Variants in PRKD1 observed in about 807,000 individuals in gnomAD.
The protein encoded by PRKD1 is serine/threonine-protein kinase D1.
PRKD1 carries 63 observed loss-of-function variants against 95.9 expected under a neutral mutation model. The observed-to-expected ratio is 0.66, with a 90% CI of 0.54 to 0.81. PRKD1 has a LOEUF of 0.81. Among genes scored for constraint, PRKD1 ranks in the 30% least tolerant of loss-of-function variants. The pLI is 0.00. For missense variants in PRKD1, 1,048 were observed against 1,165.3 expected (o/e 0.90, Z 1.47); for synonymous variants, 425 against 423.1 (o/e 1.00, Z -0.05).
chr14:29,910,172 G>T (rs1033604349), intron 1 of PRKD1, among the ~76,000 whole-genome samples: 1 of 152,144 alleles, frequency 6.6e-6, no homozygotes, highest in Non-Finnish European at 1.5e-5. Context: ...GCGAAGGTCT[G>T]CAACTTCACT....
intron 1 of PRKD1, among the ~76,000 whole-genome samples, chr14:29,905,100 G>A (rs45506204): frequency 0.016 from 2,410 of 152,266 alleles, 60 homozygotes; most frequent in African/African-American, 0.051. Context: ...TTGGGCAAAC[G>A]GTTGCATGCT....
intron 1 of PRKD1, among the ~76,000 whole-genome samples, chr14:29,813,221 T>A (rs2139248691): frequency 6.6e-6 from 1 of 152,332 alleles, no homozygotes; most frequent in South Asian, 2.1e-4. Flanking sequence ...CAAAAGCATA[T>A]CTTTATTTAT....
intron 1 of PRKD1, among the ~76,000 whole-genome samples, chr14:29,807,281 T>C (rs1204107235): frequency 6.6e-6 from 1 of 152,140 alleles, no homozygotes; most frequent in African/African-American, 2.4e-5. Flanking sequence ...GATGTAAGCC[T>C]TCAGGGAGTC....
In PRKD1 at chr14:29,927,318, C is replaced by A. The variant is rs1895340534; in HGVS notation, c.195G>T (p.Leu65=). ...GGCTGTAGTCCCCGGACGAGTCCTG[C>A]AGCAGCAGCACCGGCTCACGGCTCA... ...IGLSREPVLL[L]QDSSGDYSLA... is the part of the protein sequence containing the mutation. The change falls in exon 1 of 18, where the codon CTG becomes CTT. Residue 65 remains leucine, a synonymous_variant. Coordinates refer to ENST00000331968, the MANE Select transcript of PRKD1 (RefSeq NM_002742.3). 1.9e-6 allele frequency: 3 copies of A among 1,559,648 alleles called. No homozygotes were observed. Among genetic ancestry groups the A allele is most frequent in the Non-Finnish European group, 1.7e-6 (2 of 1,154,800 alleles).
At chr14:29,717,102 C>A (rs1172804036) in intron 2 of PRKD1, among the ~76,000 whole-genome samples, 2 of 152,068 alleles carry the variant, frequency 1.3e-5, no homozygotes, top group Non-Finnish European at 2.9e-5. Context: ...TTTTGGATAT[C>A]ATACATAGGA....
intron 1 of PRKD1, among the ~76,000 whole-genome samples, chr14:29,872,167 T>C (rs1893130754): frequency 2.0e-5 from 3 of 152,212 alleles, no homozygotes; most frequent in Admixed American, 2.0e-4. Context: ...AGTTTATGTG[T>C]TCTGACTTTG....
At chr14:29,602,793 A>G (rs1893570032) in intron 13 of PRKD1, among the ~76,000 whole-genome samples, 1 of 152,112 alleles carries the variant, frequency 6.6e-6, no homozygotes. Flanking sequence ...CTACTCCACA[A>G]CATGACCTGA....
intron 1 of PRKD1, among the ~76,000 whole-genome samples, chr14:29,925,155 C>A (rs1895253023): frequency 6.6e-6 from 1 of 151,976 alleles, no homozygotes; most frequent in Non-Finnish European, 1.5e-5. Context: ...AGAATAAATA[C>A]AAAAGGAAAG....
intron 1 of PRKD1, among the ~76,000 whole-genome samples, chr14:29,866,186 CA>C (rs757147561): frequency 2.8e-3 from 386 of 135,896 alleles, no homozygotes; most frequent in Middle Eastern, 7.2e-3. Context: ...TATTTCAGAC[CA>C]AAAAAAAAAA....
intron 1 of PRKD1, among the ~76,000 whole-genome samples, chr14:29,907,078 G>C (rs2139438607): frequency 6.6e-6 from 1 of 152,282 alleles, no homozygotes; most frequent in African/African-American, 2.4e-5. Flanking sequence ...TTCTGTTCCA[G>C]ACTCAATTCA....
intron 13 of PRKD1, among the ~76,000 whole-genome samples, chr14:29,612,676 A>G (rs1878550670): frequency 6.6e-6 from 1 of 152,086 alleles, no homozygotes; most frequent in Admixed American, 6.6e-5. Context: ...TTTTTCTTAT[A>G]ATAGATAGTT....
chr14:29,853,245 GACAA>G (rs1268480295), intron 1 of PRKD1, among the ~76,000 whole-genome samples: 1 of 152,092 alleles, frequency 6.6e-6, no homozygotes, highest in Non-Finnish European at 1.5e-5. Flanking sequence ...AGCAAAAACT[GACAA>G]ACATAAAGGG....
chr14:29,764,964 G>T (rs1010474266), intron 1 of PRKD1, among the ~76,000 whole-genome samples: 2 of 152,066 alleles, frequency 1.3e-5, no homozygotes, highest in African/African-American at 4.8e-5. Context: ...GATTCTTTTT[G>T]GAATCCCAAC....
chr14:29,724,156 A>G (rs1389690224), intron 2 of PRKD1, among the ~76,000 whole-genome samples: 3 of 152,348 alleles, frequency 2.0e-5, no homozygotes, highest in Admixed American at 6.5e-5. Context: ...GTTGCATTCA[A>G]TCTGTCTGCT....
chr14:29,899,628 C>G (rs1894252610), intron 1 of PRKD1, among the ~76,000 whole-genome samples: 1 of 152,120 alleles, frequency 6.6e-6, no homozygotes, highest in African/African-American at 2.4e-5. Flanking sequence ...TACTGGGTAA[C>G]AGAGAGAGAT....
intron 1 of PRKD1, among the ~76,000 whole-genome samples, chr14:29,733,077 CTTTTTTTA>C (rs1010990827): frequency 6.7e-6 from 1 of 148,934 alleles, no homozygotes; most frequent in African/African-American, 2.5e-5. Flanking sequence ...ATTTTCTTTT[CTTTTTTTA>C]TTTTTTTAAT....
chr14:29,904,694 C>T (rs1894435662), intron 1 of PRKD1, among the ~76,000 whole-genome samples: 1 of 152,136 alleles, frequency 6.6e-6, no homozygotes, highest in African/African-American at 2.4e-5. Flanking sequence ...TGGGCAGGTT[C>T]TGATGGAGCT....
In PRKD1 at chr14:29,578,360, G is replaced by A; in HGVS notation, c.2435C>T (p.Ala812Val). ...CAGCAAATTGTTGATAAGATCAATGGCTGAAAAAAATTACCAGTAAAAATA... is the reference window on the plus strand; with the variant it reads ...CAGCAAATTGTTGATAAGATCAATGACTGAAAAAAATTACCAGTAAAAATA... ...PNPWKEISHEAIDLINNLLQV... is the reference protein window; with the variant it reads ...PNPWKEISHEVIDLINNLLQV... Residue 812 changes from alanine to valine, a missense_variant and splice_region_variant, in exon 17 of 18, where the codon GCC (alanine) becomes GTC (valine). Around this residue, in one of 3 missense-constraint regions of PRKD1, gnomAD observed 739 missense variants for 861.9 expected, o/e 0.86. Transcript: ENST00000331968. The A allele has an allele frequency of 6.2e-7, 1 of 1,605,386 alleles. No homozygotes were observed. The highest frequency in any genetic ancestry group is 8.5e-7 in the Non-Finnish European group (1 of 1,175,498).
intron 4 of PRKD1, among the ~76,000 whole-genome samples, chr14:29,659,360 T>C (rs1718225099): frequency 6.6e-6 from 1 of 152,176 alleles, no homozygotes; most frequent in African/African-American, 2.4e-5. Context: ...ATTCATACAA[T>C]CCATTGTATG....
Sources: gnomAD v4.1 joint callset for allele counts (sites outside exome capture counted in the v4.1 genomes callset) on GRCh38, gnomAD v4.1.1 for gene constraint, gnomAD v4.1.1 regional missense constraint, MANE v1.5 for transcripts, NCBI Gene and HGNC (gene_info 2026-07-23, HGNC 2026-07-21) for gene names.